The following GNAL variants were observed in gnomAD, a reference collection of about 807,000 sequenced individuals.
The protein encoded by GNAL is guanine nucleotide-binding protein G(olf) subunit alpha.
A neutral mutation model predicts 55.1 loss-of-function variants in GNAL; 18 were observed. That is an observed-to-expected ratio of 0.33 (90% CI 0.23 to 0.48). The LOEUF (loss-of-function observed/expected upper bound fraction) is 0.48, where lower values mean the gene tolerates loss of function less well. GNAL is among the 20% of genes least tolerant of loss of function. The probability of loss-of-function intolerance (pLI) is 0.99; values close to 1 mark genes in which losing one functional copy is unlikely to be tolerated. For synonymous variants in GNAL, 253 were observed against 237.0 expected (o/e 1.07, Z -0.62); for missense variants, 412 against 614.1 (o/e 0.67, Z 3.48).
intron 1 of GNAL, among the ~76,000 whole-genome samples, chr18:11,711,865 A>G (rs1017438850): frequency 2.6e-5 from 4 of 152,216 alleles, no homozygotes; most frequent in Admixed American, 1.3e-4. Context: ...TTAGCAGGGA[A>G]AGATCTTCAC....
chr18:11,722,599 G>A (rs1456127258), intron 1 of GNAL, among the ~76,000 whole-genome samples: 2 of 152,260 alleles, frequency 1.3e-5, no homozygotes, highest in Non-Finnish European at 2.9e-5. Context: ...GGCTGGGTGC[G>A]GTGGCTGACA....
intron 5 of GNAL, among the ~76,000 whole-genome samples, chr18:11,854,669 T>C (rs899599047): frequency 6.6e-6 from 1 of 152,022 alleles, no homozygotes; most frequent in Non-Finnish European, 1.5e-5. Context: ...TAATCTCAGC[T>C]ACTCAGGAGG....
At chr18:11,693,309 G>A (rs1476158232) in intron 1 of GNAL, among the ~76,000 whole-genome samples, 1 of 152,138 alleles carries the variant, frequency 6.6e-6, no homozygotes. Context: ...ACTCTTTGAA[G>A]ACATCATCTC....
chr18:11,747,950 T>C (rs2032728552), intron 1 of GNAL, among the ~76,000 whole-genome samples: 2 of 152,054 alleles, frequency 1.3e-5, no homozygotes, highest in South Asian at 4.1e-4. Flanking sequence ...TGCGGTTGCC[T>C]AGCAACAGAC....
chr18:11,704,800 GC>G (rs1786900241), intron 1 of GNAL, among the ~76,000 whole-genome samples: 1 of 151,570 alleles, frequency 6.6e-6, no homozygotes, highest in Non-Finnish European at 1.5e-5. Context: ...TAATTTAACA[GC>G]TTTTTTTGAG....
At chr18:11,756,968 G>T (rs1443731610) in intron 4 of GNAL, among the ~76,000 whole-genome samples, 1 of 152,182 alleles carries the variant, frequency 6.6e-6, no homozygotes, top group African/African-American at 2.4e-5. Context: ...TAATTTTCCT[G>T]TAGGGGTAAG....
In GNAL at chr18:11,884,345, A is replaced by AG. The variant is rs1362266416; in HGVS notation, c.*3211dup. On this transcript the variant is annotated 3_prime_UTR_variant, in exon 12 of 12. Coordinates refer to ENST00000334049, the MANE Select transcript of GNAL (RefSeq NM_182978.4). ...TTGAGAATTTCTGTGCTGTGCAGAG[A>AG]GACGGCCTGTAATTGGTCTCATCAT... The AG allele has an allele frequency of 9.0e-7, 1 of 1,105,526 alleles. No individual in the cohort carries two copies. Among genetic ancestry groups the AG allele is most frequent in the African/African-American group, 1.6e-5 (1 of 64,292 alleles). 68.5% of individuals were successfully genotyped at this position (1,105,526 alleles called of 1,614,324 possible).
chr18:11,716,301 C>T lies in GNAL; in HGVS notation c.376+26362C>T, dbSNP rs534836381. On this transcript the variant is annotated intron_variant, in intron 1 of 11. Coordinates refer to ENST00000334049, the MANE Select transcript of GNAL (RefSeq NM_182978.4). ...TCCAGAGTTTGTTCCTTCTGACGTT[C>T]GGATGTGTTCAGAGTTTCTTCCTTC... Among the ~76,000 whole-genome samples, 243 of 152,052 alleles carry T rather than the reference C, an allele frequency of 1.6e-3. 1 individual carries two copies. The highest frequency in any genetic ancestry group is 5.7e-3 in the African/African-American group (234 of 41,374).
At chr18:11,702,904 G>A (rs907114446) in intron 1 of GNAL, among the ~76,000 whole-genome samples, 62 of 151,854 alleles carry the variant, frequency 4.1e-4, no homozygotes, top group African/African-American at 1.4e-3. Flanking sequence ...GATCACATGA[G>A]GTCAGGAGTT....
At chr18:11,775,404 T>G (rs1163570336) in intron 4 of GNAL, among the ~76,000 whole-genome samples, 1 of 152,264 alleles carries the variant, frequency 6.6e-6, no homozygotes, top group Non-Finnish European at 1.5e-5. Flanking sequence ...GCAGATGATC[T>G]CACTTAATCC....
At chr18:11,808,330 G>A (rs2034719570) in intron 4 of GNAL, among the ~76,000 whole-genome samples, 1 of 152,174 alleles carries the variant, frequency 6.6e-6, no homozygotes, top group Admixed American at 6.5e-5. Flanking sequence ...TGGAGCAGAA[G>A]GCCAGGAAGA....
chr18:11,837,250 T>G (rs2035516864), intron 5 of GNAL, among the ~76,000 whole-genome samples: 1 of 152,206 alleles, frequency 6.6e-6, no homozygotes, highest in Admixed American at 6.5e-5. Flanking sequence ...GTGCTGGGAT[T>G]ACAGGCGTGA....
chr18:11,766,475 A>G (rs57485078), intron 4 of GNAL, among the ~76,000 whole-genome samples: 1 of 152,160 alleles, frequency 6.6e-6, no homozygotes, highest in South Asian at 2.1e-4. Flanking sequence ...CCTGCCCAGC[A>G]CCCCCAGAGT....
intron 4 of GNAL, 108 bp downstream of exon 4, chr18:11,754,053 C>A: frequency 2.5e-6 from 2 of 808,456 alleles, no homozygotes. Context: ...TAACTTTCTT[C>A]GAAATCCAGC....
intron 5 of GNAL, chr18:11,852,735 CTCTT>C (rs1190142890): frequency 6.0e-6 from 1 of 166,338 alleles, no homozygotes; most frequent in Non-Finnish European, 1.5e-5. Flanking sequence ...GCATAATACT[CTCTT>C]ACTGCTTACA....
At chr18:11,827,604 C>T (rs2035279689) in intron 5 of GNAL, among the ~76,000 whole-genome samples, 1 of 151,824 alleles carries the variant, frequency 6.6e-6, no homozygotes, top group African/African-American at 2.4e-5. Flanking sequence ...CAGAGCAAGG[C>T]TCGTCTCAAA....
At chr18:11,831,256 G>A (rs1041646241) in intron 5 of GNAL, among the ~76,000 whole-genome samples, 2 of 152,174 alleles carry the variant, frequency 1.3e-5, no homozygotes, top group Non-Finnish European at 2.9e-5. Context: ...GCACGGTCTA[G>A]GGGAGGACTC....
chr18:11,854,396 C>G, intron 5 of GNAL: 1 of 167,054 alleles, frequency 6.0e-6, no homozygotes, highest in East Asian at 1.9e-4. Flanking sequence ...CAGTTGATTA[C>G]TGAAATGTAA....
At chr18:11,833,257 C>T (rs375754348) in intron 5 of GNAL, among the ~76,000 whole-genome samples, 1 of 152,120 alleles carries the variant, frequency 6.6e-6, no homozygotes, top group Non-Finnish European at 1.5e-5. Flanking sequence ...GTCTCGAACT[C>T]CTGACCCAAG....
Sources: allele counts gnomAD v4.1 joint callset (sites outside exome capture counted in the v4.1 genomes callset), GRCh38; gene constraint gnomAD v4.1.1; transcripts MANE v1.5; gene names NCBI Gene and HGNC (gene_info 2026-07-23, HGNC 2026-07-21).